GATAD2B: variants seen among roughly 807,000 people sequenced by gnomAD.
GATAD2B encodes GATA zinc finger domain containing 2B.
In GATAD2B, 8 loss-of-function variants were observed where a neutral mutation model predicts 64.3. The observed-to-expected ratio is 0.12, with a 90% CI of 0.07 to 0.22. GATAD2B has a LOEUF of 0.22. Ranked by LOEUF, GATAD2B falls within the 10% of genes least tolerant of loss-of-function variation. GATAD2B has a pLI of 1.00. For synonymous variants in GATAD2B, 281 were observed against 271.3 expected (o/e 1.04, Z -0.35); for missense variants, 453 against 752.0 (o/e 0.60, Z 4.65).
In GATAD2B at chr1:153,889,413, CAAAAAAAAA is replaced by C. The variant is rs71093299; in HGVS notation, c.-2+33311_-2+33319del. On this transcript the variant is annotated intron_variant, in intron 1 of 10. Coordinates refer to ENST00000368655, the MANE Select transcript of GATAD2B (RefSeq NM_020699.4). ...GGCAACAAGAGCGAAACCCCGTCTC[CAAAAAAAAA>C]AAAAAAAAAAAAAACACACAAAACA... Among the ~76,000 whole-genome samples, 6 of 67,888 alleles carry C rather than the reference CAAAAAAAAA, an allele frequency of 8.8e-5. 1 individual carries two copies. The highest frequency in any genetic ancestry group is 1.2e-4 in the African/African-American group (2 of 16,282). The allele number at this position is 67,888 out of a possible 152,430, so 44.5% of individuals were successfully genotyped here. A position where few individuals can be genotyped will look rare whatever the true frequency, so the allele number is the denominator to read the frequency against.
chr1:153,872,536 G>C (rs1384780811), intron 1 of GATAD2B, among the ~76,000 whole-genome samples: 6 of 148,054 alleles, frequency 4.1e-5, no homozygotes, highest in Admixed American at 2.1e-4. Flanking sequence ...TTCGAAGGTT[G>C]ACATATTACA....
At chr1:153,912,140 T>C (rs1218126850) in intron 1 of GATAD2B, among the ~76,000 whole-genome samples, 2 of 152,202 alleles carry the variant, frequency 1.3e-5, no homozygotes, top group Non-Finnish European at 2.9e-5. Flanking sequence ...TAATATTAGG[T>C]AGATTTAAAG....
rs1139620 is a variant in GATAD2B at position 153,805,372 on chromosome 1, C to T, written c.*4805G>A. Reference sequence around the variant, plus strand: ...TCACAAAGGGAGTAAATAACTAAAGCACCAACCTGGGGCATTCAATTGTCA... The same window carrying T: ...TCACAAAGGGAGTAAATAACTAAAGTACCAACCTGGGGCATTCAATTGTCA... On this transcript the variant is annotated 3_prime_UTR_variant, in exon 11 of 11. Coordinates refer to ENST00000368655, the MANE Select transcript of GATAD2B (RefSeq NM_020699.4). 62,323 of 151,972 alleles carry T rather than the reference C, an allele frequency of 0.41. 13,906 individuals are homozygous for T. The highest frequency in any genetic ancestry group is 0.52 in the Non-Finnish European group (35,113 of 67,950). 9.4% of individuals were successfully genotyped at this position (151,972 alleles called of 1,614,324 possible).
In GATAD2B at chr1:153,844,162, T is replaced by C. The variant is rs1570951508; in HGVS notation, c.-1-15814A>G. ...AAATGATCCCCTCAAATACTGAGGA[T>C]ATCAGAGTGCTGATCAGCACATGTG... On this transcript the variant is annotated intron_variant, in intron 1 of 10. Coordinates refer to ENST00000368655, the MANE Select transcript of GATAD2B (RefSeq NM_020699.4). Among the ~76,000 whole-genome samples, 4 of 152,070 alleles carry C rather than the reference T, an allele frequency of 2.6e-5. No individual in the cohort carries two copies. The South Asian group carries it at 8.3e-4, about 32-fold the overall frequency.
chr1:153,914,871 A>G (rs1557835279), intron 1 of GATAD2B: 1 of 152,326 alleles, frequency 6.6e-6, no homozygotes, highest in African/African-American at 2.4e-5. Context: ...AGGTTACACT[A>G]AACTATGACT....
chr1:153,840,092 GC>G (rs1675424852), intron 1 of GATAD2B, among the ~76,000 whole-genome samples: 1 of 142,756 alleles, frequency 7.0e-6, no homozygotes, highest in Non-Finnish European at 1.5e-5. Context: ...GAGTGCAATG[GC>G]ACGATCTTGT....
chr1:153,900,609 G>C (rs1677737799), intron 1 of GATAD2B, among the ~76,000 whole-genome samples: 1 of 151,984 alleles, frequency 6.6e-6, no homozygotes, highest in South Asian at 2.1e-4. Flanking sequence ...TCAACCTCTT[G>C]GGTTCAATCA....
In GATAD2B at chr1:153,909,215, A is replaced by AT. The variant is rs892524316; in HGVS notation, c.-2+13517dup. On this transcript the variant is annotated intron_variant, in intron 1 of 10. Coordinates refer to ENST00000368655, the MANE Select transcript of GATAD2B (RefSeq NM_020699.4). ...GCAAAATCTTGTCTCATTAAAAATAATTTTTTTTTCTTTTTTGACACGGAG... is the reference window on the plus strand; with the variant it reads ...GCAAAATCTTGTCTCATTAAAAATAATTTTTTTTTTCTTTTTTGACACGGAG... Among the ~76,000 whole-genome samples the AT allele has an allele frequency of 6.6e-5, 10 of 151,120 alleles. No homozygotes were observed. In the South Asian group the frequency reaches 1.3e-3, roughly 19 times the overall value.
At chr1:153,819,514 T>G in intron 3 of GATAD2B, 92 bp downstream of exon 3, 3 of 924,724 alleles carry the variant, frequency 3.2e-6, no homozygotes, top group East Asian at 2.5e-5. Flanking sequence ...ATCCAAAGAG[T>G]AAATAGTCAA....
At chr1:153,852,284 C>T (rs150624229) in intron 1 of GATAD2B, 48 of 1,178,420 alleles carry the variant, frequency 4.1e-5, no homozygotes, top group Admixed American at 1.8e-4. Context: ...TCTGCAGCTG[C>T]CCCTTGCTAG....
At chr1:153,869,904 T>C (rs891075744) in intron 1 of GATAD2B, among the ~76,000 whole-genome samples, 11 of 151,970 alleles carry the variant, frequency 7.2e-5, no homozygotes, top group African/African-American at 2.7e-4. Context: ...AGGCGGCAGA[T>C]GCCTTGAGCC....
At position 153,828,006 on chromosome 1, in the gene GATAD2B, G is replaced by A. The variant is rs1241134815; in HGVS notation, c.335+7C>T. The A allele has an allele frequency of 6.2e-7, 1 of 1,608,974 alleles. No individual in the cohort carries two copies. The highest frequency in any genetic ancestry group is 1.1e-5 in the South Asian group (1 of 90,922). On this transcript the variant is annotated splice_region_variant and intron_variant, in intron 2 of 10. Coordinates refer to ENST00000368655, the MANE Select transcript of GATAD2B (RefSeq NM_020699.4). ...CTATCCCTGGAGGCAGCTGAACTGA[G>A]CCATACCTCCGTCTAGCACTCATAT...
intron 1 of GATAD2B, among the ~76,000 whole-genome samples, chr1:153,855,401 G>T (rs956674576): frequency 6.6e-6 from 1 of 151,814 alleles, no homozygotes; most frequent in Non-Finnish European, 1.5e-5. Context: ...GCTAATTTTT[G>T]TATTTTTAGT....
At chr1:153,905,042 C>T (rs1184570672) in intron 1 of GATAD2B, among the ~76,000 whole-genome samples, 9 of 151,500 alleles carry the variant, frequency 5.9e-5, no homozygotes, top group Admixed American at 5.3e-4. Context: ...CGGGGTTTCA[C>T]TATATGTTGG....
chr1:153,873,625 T>C (rs1016750826), intron 1 of GATAD2B, among the ~76,000 whole-genome samples: 4 of 152,176 alleles, frequency 2.6e-5, no homozygotes, highest in East Asian at 3.8e-4. Flanking sequence ...CCCTGGACTT[T>C]CCAGCCTCCA....
chr1:153,842,539 C>T lies in GATAD2B; in HGVS notation c.-1-14191G>A, dbSNP rs552505480. Among the ~76,000 whole-genome samples the T allele has an allele frequency of 1.4e-3, 167 of 123,142 alleles. 6 individuals carry two copies. The South Asian group carries it at 0.038, about 28-fold the overall frequency. 80.8% of individuals were successfully genotyped at this position (123,142 alleles called of 152,430 possible). A position where few individuals can be genotyped will look rare whatever the true frequency, so the allele number is the denominator to read the frequency against. ...TAAGTTTATTGCATATACATGTAATCATTAATAATATATAGCATAGTTTGT... is the reference window on the plus strand; with the variant it reads ...TAAGTTTATTGCATATACATGTAATTATTAATAATATATAGCATAGTTTGT... On this transcript the variant is annotated intron_variant, in intron 1 of 10. Transcript: ENST00000368655.
At chr1:153,846,620 C>T (rs963415742) in intron 1 of GATAD2B, among the ~76,000 whole-genome samples, 10 of 137,316 alleles carry the variant, frequency 7.3e-5, no homozygotes, top group Admixed American at 5.7e-4. Context: ...GGAATGCAGT[C>T]GCGCGATCTC....
chr1:153,915,474 G>A (rs955192934), intron 1 of GATAD2B, among the ~76,000 whole-genome samples: 1 of 151,950 alleles, frequency 6.6e-6, no homozygotes, highest in Non-Finnish European at 1.5e-5. Context: ...GGGCAAAGAA[G>A]AAAATGTATC....
At chr1:153,895,548 C>A (rs1402082446) in intron 1 of GATAD2B, among the ~76,000 whole-genome samples, 1 of 151,006 alleles carries the variant, frequency 6.6e-6, no homozygotes, top group African/African-American at 2.4e-5. Context: ...CCACTGCACT[C>A]TAGCCTGGGC....
Sources: allele counts gnomAD v4.1 joint callset (sites outside exome capture counted in the v4.1 genomes callset), GRCh38; gene constraint gnomAD v4.1.1; transcripts MANE v1.5; gene names NCBI Gene and HGNC (gene_info 2026-07-23, HGNC 2026-07-21).